PRDM2: variants seen among roughly 807,000 people sequenced by gnomAD.
The protein encoded by PRDM2 is PR domain zinc finger protein 2.
Under a neutral mutation model 130.0 loss-of-function variants are expected in PRDM2, and 30 were observed. The ratio of observed to expected loss-of-function variants is 0.23; its 90% confidence interval spans 0.17 to 0.31. The LOEUF is 0.31. Among genes scored for constraint, PRDM2 ranks in the 10% least tolerant of loss-of-function variants. The pLI is 1.00. For synonymous variants in PRDM2, 871 were observed against 782.4 expected (o/e 1.11, Z -1.89); for missense variants, 2,011 against 2,108.4 (o/e 0.95, Z 0.90).
chr1:13,806,227 C>CCCCGCAT lies in PRDM2; in HGVS notation c.5037-10194_5037-10188dup, dbSNP rs1645084369. On this transcript the variant is annotated intron_variant, in intron 8 of 9. Coordinates refer to ENST00000311066, the MANE Select transcript of PRDM2 (RefSeq NM_001393986.1). The surrounding 1 kb of genome is among the most constrained non-coding windows in gnomAD (Gnocchi z 4.1). ...AGTCTCTGCACATTACCAGCTGCTC[C>CCCCGCAT]CCCGCATCCCGCCTCCATCCCTGGG... is the stretch of plus-strand genomic sequence containing the variant. Among the ~76,000 whole-genome samples, 1 of 140,858 alleles carries CCCCGCAT rather than the reference C, an allele frequency of 7.1e-6. No homozygotes were observed. Among genetic ancestry groups the CCCCGCAT allele is most frequent in the Non-Finnish European group, 1.5e-5 (1 of 65,812 alleles). The allele number at this position is 140,858 out of a possible 152,430, so 92.4% of individuals were successfully genotyped here. A position where few individuals can be genotyped will look rare whatever the true frequency, so the allele number is the denominator to read the frequency against.
intron 6 of PRDM2, among the ~76,000 whole-genome samples, chr1:13,752,905 A>G (rs867300522): frequency 1.2e-4 from 18 of 152,226 alleles, no homozygotes; most frequent in Non-Finnish European, 1.9e-4. Flanking sequence ...AAAGTTGTCA[A>G]GAGCAAGTGA....
At chr1:13,749,172 G>C (rs1643714273) in intron 5 of PRDM2, among the ~76,000 whole-genome samples, 189 bp from the exon 6 acceptor site, 1 of 151,710 alleles carries the variant, frequency 6.6e-6, no homozygotes, top group Non-Finnish European at 1.5e-5. Flanking sequence ...CCTCCCTCCA[G>C]CAGAGGGTTC....
At chr1:13,765,622 G>T (rs1004884342) in intron 6 of PRDM2, among the ~76,000 whole-genome samples, 1 of 151,908 alleles carries the variant, frequency 6.6e-6, no homozygotes, top group Non-Finnish European at 1.5e-5. Context: ...CGGTGGTACC[G>T]CGCCTGGCTA....
intron 6 of PRDM2, among the ~76,000 whole-genome samples, chr1:13,751,140 G>T (rs1403605815): frequency 6.6e-6 from 1 of 151,878 alleles, no homozygotes; most frequent in Non-Finnish European, 1.5e-5. Flanking sequence ...TTTTTCTCTT[G>T]GTTGGATTTG....
intron 8 of PRDM2, among the ~76,000 whole-genome samples, chr1:13,792,142 A>G (rs1303675916): frequency 6.6e-6 from 1 of 152,244 alleles, no homozygotes; most frequent in Non-Finnish European, 1.5e-5. Flanking sequence ...GATTCAGAAC[A>G]TATTTAAGCT....
chr1:13,765,704 T>C (rs2100602619), intron 6 of PRDM2, among the ~76,000 whole-genome samples: 1 of 152,270 alleles, frequency 6.6e-6, no homozygotes, highest in African/African-American at 2.4e-5. Flanking sequence ...TGACCTCGTG[T>C]TCTGCCTGCC....
At chr1:13,821,556 A>T (rs1645352396) in intron 9 of PRDM2, among the ~76,000 whole-genome samples, 2 of 151,854 alleles carry the variant, frequency 1.3e-5, no homozygotes, top group South Asian at 4.2e-4. Context: ...TCTGTCTCCC[A>T]GGTTCAAGGG....
chr1:13,770,370 G>C (rs774057349), intron 6 of PRDM2: 4 of 469,976 alleles, frequency 8.5e-6, no homozygotes, highest in Non-Finnish European at 1.7e-5. Flanking sequence ...CATCTTAATG[G>C]TATTAAGATT....
intron 5 of PRDM2, among the ~76,000 whole-genome samples, chr1:13,744,416 C>T (rs914258867): frequency 6.6e-6 from 1 of 152,148 alleles, no homozygotes; most frequent in African/African-American, 2.4e-5. Context: ...GGATAGAGCT[C>T]CAGCACCTAG....
chr1:13,756,638 C>G (rs976225962), intron 6 of PRDM2, among the ~76,000 whole-genome samples: 1 of 152,138 alleles, frequency 6.6e-6, no homozygotes, highest in African/African-American at 2.4e-5. Flanking sequence ...CCAGATTAAA[C>G]CAGTTTTCAT....
At chr1:13,723,941 A>G (rs1642820049) in intron 2 of PRDM2, among the ~76,000 whole-genome samples, 1 of 152,240 alleles carries the variant, frequency 6.6e-6, no homozygotes, top group South Asian at 2.1e-4. Flanking sequence ...GCCTCTCTGG[A>G]GAGGTGATTA....
chr1:13,789,971 G>A (rs1422463846), intron 8 of PRDM2, among the ~76,000 whole-genome samples: 2 of 152,228 alleles, frequency 1.3e-5, no homozygotes, highest in African/African-American at 4.8e-5. Flanking sequence ...AAGCACTGCT[G>A]TTGAGCGTAT....
chr1:13,749,211 G>T, intron 5 of PRDM2, 150 bp from the exon 6 acceptor site: 1 of 675,638 alleles, frequency 1.5e-6, no homozygotes, highest in Non-Finnish European at 1.9e-6. Context: ...GCACGGGGCC[G>T]GGAGCCCTTC....
chr1:13,713,411 T>C (rs2100408088), intron 1 of PRDM2, among the ~76,000 whole-genome samples: 1 of 152,260 alleles, frequency 6.6e-6, no homozygotes, highest in Non-Finnish European at 1.5e-5. Flanking sequence ...AAGCTCTTGT[T>C]AATTGAGGAT....
At chr1:13,707,384 C>T (rs1642241815) in intron 1 of PRDM2, among the ~76,000 whole-genome samples, 2 of 152,174 alleles carry the variant, frequency 1.3e-5, no homozygotes, top group South Asian at 4.1e-4. Flanking sequence ...AAATAGTACA[C>T]AGGGGTCAAC....
chr1:13,786,723 G>A (rs554087477), intron 8 of PRDM2: 12 of 1,429,340 alleles, frequency 8.4e-6, no homozygotes, highest in East Asian at 7.5e-5. Context: ...GGGGCCCAAC[G>A]CGCATGCTGG....
rs544038313 is a variant in PRDM2, at chr1:13,710,996, A to T, written c.-65-4545A>T. Among the ~76,000 whole-genome samples, 22 of 151,750 alleles carry T rather than the reference A, an allele frequency of 1.4e-4. No individual in the cohort carries two copies. In the East Asian group the frequency reaches 3.7e-3, roughly 25 times the overall value. On this transcript the variant is annotated intron_variant, in intron 1 of 9. Transcript: ENST00000311066. ...GCTACTCGGGAGGCTGAGGCAGGAGAATGGCCTGAACCCGGGAGGTGGAGC... is the reference window on the plus strand; with the variant it reads ...GCTACTCGGGAGGCTGAGGCAGGAGTATGGCCTGAACCCGGGAGGTGGAGC...
intron 8 of PRDM2, among the ~76,000 whole-genome samples, chr1:13,812,697 G>T (rs1272467822): frequency 6.6e-6 from 1 of 152,194 alleles, no homozygotes; most frequent in African/African-American, 2.4e-5. Flanking sequence ...TCTGACCGAA[G>T]TGTTGACACA....
chr1:13,729,080 C>G (rs1569772250), intron 2 of PRDM2, among the ~76,000 whole-genome samples: 1 of 152,204 alleles, frequency 6.6e-6, no homozygotes, highest in South Asian at 2.1e-4. Flanking sequence ...AGCAATGTCT[C>G]TAAGCTCTAA....
Sources: gnomAD v4.1 joint callset for allele counts (sites outside exome capture counted in the v4.1 genomes callset) on GRCh38, gnomAD v4.1.1 for gene constraint, Gnocchi (gnomAD v3.1) non-coding constraint, MANE v1.5 for transcripts, NCBI Gene and HGNC (gene_info 2026-07-23, HGNC 2026-07-21) for gene names.